Variants in KAZN observed in about 807,000 individuals in gnomAD.
The protein encoded by KAZN is kazrin, periplakin interacting protein.
In KAZN, 40 loss-of-function variants were observed where a neutral mutation model predicts 87.4. The observed-to-expected ratio is 0.46, with a 90% confidence interval of 0.36 to 0.60. The LOEUF is 0.60. Among genes scored for constraint, KAZN ranks in the 20% least tolerant of loss-of-function variants. The probability of loss-of-function intolerance (pLI) is 0.00; values close to 1 mark genes in which losing one functional copy is unlikely to be tolerated. For synonymous variants in KAZN, 466 were observed against 458.3 expected (o/e 1.02, Z -0.22); for missense variants, 898 against 1,073.9 (o/e 0.84, Z 2.29).
At chr1:13,931,295 T>G (rs1159787830) in intron 1 of KAZN, among the ~76,000 whole-genome samples, 1 of 152,222 alleles carries the variant, frequency 6.6e-6, no homozygotes, top group African/African-American at 2.4e-5. Context: ...ATTTGAAAAC[T>G]GTAAACATAA....
At chr1:14,810,869 A>G (rs904194272) in intron 1 of KAZN, among the ~76,000 whole-genome samples, 6 of 152,292 alleles carry the variant, frequency 3.9e-5, no homozygotes, top group African/African-American at 1.4e-4. Flanking sequence ...TGCCAGCCCA[A>G]ATGGGCCAGG....
intron 8 of KAZN, among the ~76,000 whole-genome samples, chr1:15,070,460 G>C (rs1156640617): frequency 1.3e-5 from 2 of 152,128 alleles, no homozygotes; most frequent in Non-Finnish European, 2.9e-5. Flanking sequence ...GGCTGTACCA[G>C]AGCTGCAGAT....
chr1:14,973,051 C>T (rs1665243787), intron 2 of KAZN, among the ~76,000 whole-genome samples: 1 of 152,102 alleles, frequency 6.6e-6, no homozygotes, highest in Non-Finnish European at 1.5e-5. Context: ...TGGGGTCACC[C>T]TGCCTTTACA....
At chr1:14,752,844 T>C (rs1424718825) in intron 1 of KAZN, among the ~76,000 whole-genome samples, 1 of 152,162 alleles carries the variant, frequency 6.6e-6, no homozygotes, top group Non-Finnish European at 1.5e-5. Context: ...CACTGTCTGT[T>C]CAAATCTAAC....
chr1:15,027,113 G>T (rs547066100), intron 2 of KAZN, among the ~76,000 whole-genome samples: 2 of 100,796 alleles, frequency 2.0e-5, no homozygotes, highest in African/African-American at 3.9e-5. Flanking sequence ...ACAGAGTCTC[G>T]CTCTGTCGCC....
chr1:15,012,122 T>C (rs1282044219), intron 2 of KAZN, among the ~76,000 whole-genome samples: 2 of 152,064 alleles, frequency 1.3e-5, no homozygotes, highest in African/African-American at 4.8e-5. Flanking sequence ...ATTCCTCGTT[T>C]TACAAATGAG....
At chr1:14,023,348 G>A (rs1025075690) in intron 1 of KAZN, among the ~76,000 whole-genome samples, 4 of 152,042 alleles carry the variant, frequency 2.6e-5, no homozygotes, top group Non-Finnish European at 5.9e-5. Flanking sequence ...AACAAAACAA[G>A]AAACAATACT....
intron 2 of KAZN, among the ~76,000 whole-genome samples, chr1:14,990,214 T>C (rs1350175455): frequency 2.0e-5 from 3 of 151,966 alleles, no homozygotes; most frequent in Admixed American, 2.0e-4. Context: ...TTGTTTTTGT[T>C]TGTTTGTTTG....
At chr1:14,473,575 G>A (rs538833202) in intron 2 of KAZN, among the ~76,000 whole-genome samples, 56 of 150,544 alleles carry the variant, frequency 3.7e-4, no homozygotes, top group African/African-American at 1.0e-3. Flanking sequence ...TGCAGTGGCC[G>A]AGATCGTGCC....
intron 2 of KAZN, among the ~76,000 whole-genome samples, chr1:14,280,366 A>G (rs1201142083): frequency 1.3e-5 from 1 of 78,514 alleles, no homozygotes; most frequent in Non-Finnish European, 2.4e-5. Flanking sequence ...GTGAGACTCC[A>G]TCTCAAAAAA....
At chr1:14,502,096 A>C (rs575647583) in intron 2 of KAZN, among the ~76,000 whole-genome samples, 1 of 152,332 alleles carries the variant, frequency 6.6e-6, no homozygotes, top group East Asian at 1.9e-4. Flanking sequence ...AGACTTTAAA[A>C]AAGGTAAATT....
intron 2 of KAZN, among the ~76,000 whole-genome samples, chr1:14,372,450 T>C (rs1018153864): frequency 6.6e-6 from 1 of 152,304 alleles, no homozygotes; most frequent in East Asian, 1.9e-4. Flanking sequence ...AATTCTCTGA[T>C]GTGAGGGGCT....
intron 2 of KAZN, among the ~76,000 whole-genome samples, chr1:14,374,117 T>C (rs1660716822): frequency 6.6e-6 from 1 of 152,188 alleles, no homozygotes; most frequent in South Asian, 2.1e-4. Flanking sequence ...TAAAAGCACT[T>C]CTCAGACCAA....
chr1:15,067,784 G>A (rs1639316185), intron 8 of KAZN: 1 of 985,324 alleles, frequency 1.0e-6, no homozygotes, highest in Non-Finnish European at 1.2e-6. Context: ...CCGAGCCTAG[G>A]GGTGACGGGG....
At chr1:15,071,124 C>G (rs1276898801) in intron 8 of KAZN, among the ~76,000 whole-genome samples, 1 of 152,212 alleles carries the variant, frequency 6.6e-6, no homozygotes, top group African/African-American at 2.4e-5. Flanking sequence ...AATATCTTAG[C>G]AGTTCGTATG....
chr1:14,428,686 A>T (rs1665878872), intron 2 of KAZN, among the ~76,000 whole-genome samples: 1 of 152,194 alleles, frequency 6.6e-6, no homozygotes, highest in Non-Finnish European at 1.5e-5. Flanking sequence ...GCACCTCTTC[A>T]CAGAGCGGCA....
intron 8 of KAZN, among the ~76,000 whole-genome samples, chr1:15,070,135 G>A (rs904634799): frequency 6.6e-5 from 10 of 152,284 alleles, no homozygotes; most frequent in East Asian, 3.9e-4. Flanking sequence ...CCACTCCACC[G>A]TCTGAGCAGT....
At chr1:15,110,143 G>C (rs540564296) in intron 13 of KAZN, among the ~76,000 whole-genome samples, 1 of 150,938 alleles carries the variant, frequency 6.6e-6, no homozygotes, top group South Asian at 2.1e-4. Context: ...CTGTGTATTT[G>C]TGTATGTGTG....
rs577902255 is a variant in KAZN at position 14,951,511 on chromosome 1, C to T, written c.227-9173C>T. On this transcript the variant is annotated intron_variant, in intron 1 of 14. Coordinates refer to ENST00000376030, the MANE Select transcript of KAZN (RefSeq NM_201628.3). ...CATTTATTTTAGACATAGCCTCGCT[C>T]TGTCACCCAGGCTGGGATGCAATGG... is the stretch of plus-strand genomic sequence containing the variant. Among the ~76,000 whole-genome samples, 16 of 152,022 alleles carry T rather than the reference C, an allele frequency of 1.1e-4. 1 individual carries two copies. The highest frequency in any genetic ancestry group is 3.6e-4 in the African/African-American group (15 of 41,406).
Sources: gnomAD v4.1 joint callset for allele counts (sites outside exome capture counted in the v4.1 genomes callset) on GRCh38, gnomAD v4.1.1 for gene constraint, MANE v1.5 for transcripts, NCBI Gene and HGNC (gene_info 2026-07-23, HGNC 2026-07-21) for gene names.